Variants in ZMYM2 observed in about 807,000 individuals in gnomAD.
ZMYM2 encodes zinc finger MYM-type protein 2.
Under a neutral mutation model 162.8 loss-of-function variants are expected in ZMYM2, and 56 were observed. That is an observed-to-expected ratio of 0.34 (90% confidence interval 0.28 to 0.43). ZMYM2 has a LOEUF of 0.43. ZMYM2 is among the 20% of genes least tolerant of loss of function. ZMYM2 has a pLI of 1.00. For synonymous variants in ZMYM2, 510 were observed against 541.6 expected, an observed-to-expected ratio of 0.94 and a Z score of 0.81; for missense variants, 1,275 against 1,621.8, an observed-to-expected ratio of 0.79 and a Z score of 3.67.
At chr13:19,977,851 G>A (rs1396603746) in intron 2 of ZMYM2, among the ~76,000 whole-genome samples, 1 of 149,586 alleles carries the variant, frequency 6.7e-6, no homozygotes, top group Non-Finnish European at 1.5e-5. Context: ...TGTACCATTT[G>A]ATTCCCTTCT....
At chr13:20,006,232 TAAAAAAA>T (rs747053429) in intron 5 of ZMYM2, 135 bp from the exon 6 acceptor site, 1 of 662,038 alleles carries the variant, frequency 1.5e-6, no homozygotes, top group South Asian at 2.6e-5. Flanking sequence ...ACCCTGTCTT[TAAAAAAA>T]AAAAAAAAAT....
At chr13:19,874,078 G>A in the ZMYM2 span, among the ~76,000 whole-genome samples, 2 of 152,294 alleles carry the variant, frequency 1.3e-5, no homozygotes, top group South Asian at 4.1e-4. Flanking sequence ...TGCAGCTTTG[G>A]TTGTTGCCTC....
In ZMYM2 at chr13:20,037,081, G is replaced by C. The variant is rs75747995; in HGVS notation, c.2292+172G>C. Among the ~76,000 whole-genome samples, 18 of 151,914 alleles carry C rather than the reference G, an allele frequency of 1.2e-4. No individual in the cohort carries two copies. The East Asian group carries it at 3.5e-3, about 29-fold the overall frequency. On this transcript the variant is annotated intron_variant, in intron 12 of 24. Coordinates refer to ENST00000610343, the MANE Select transcript of ZMYM2 (RefSeq NM_197968.4). ...TTGTCATTTCTGCTTGTTTGAAGTA[G>C]CATTTTTATCTCTTTTTTTAATAAC... is the stretch of plus-strand genomic sequence containing the variant.
intron 21 of ZMYM2, among the ~76,000 whole-genome samples, chr13:20,073,990 C>G (rs1300615233): frequency 6.6e-6 from 1 of 152,108 alleles, no homozygotes; most frequent in African/African-American, 2.4e-5. Flanking sequence ...AGAACTGAAA[C>G]TCTGTACTCA....
Position 20,030,567 on chromosome 13 carries a change from T to A in ZMYM2, c.1852-752T>A, listed in dbSNP as rs190015037. On this transcript the variant is annotated intron_variant, in intron 9 of 24. Coordinates refer to ENST00000610343, the MANE Select transcript of ZMYM2 (RefSeq NM_197968.4). ...GCACCTGCCACCACCCCCAGCTAAT[T>A]TTTTGTATTTTTAGTAGAGACGGGG... is the stretch of plus-strand genomic sequence containing the variant. Among the ~76,000 whole-genome samples the A allele has an allele frequency of 5.6e-3, 858 of 152,134 alleles. 3 individuals carry two copies. Among genetic ancestry groups the A allele is most frequent in the Middle Eastern group, 0.017 (5 of 294 alleles).
intron 17 of ZMYM2, among the ~76,000 whole-genome samples, chr13:20,061,804 A>T (rs1397085532): frequency 2.0e-5 from 3 of 152,140 alleles, no homozygotes; most frequent in East Asian, 3.9e-4. Flanking sequence ...GGCCAGGCTG[A>T]TCTCAAACTC....
At chr13:19,936,618 A>G in the ZMYM2 span, among the ~76,000 whole-genome samples, 1 of 152,078 alleles carries the variant, frequency 6.6e-6, no homozygotes, top group Non-Finnish European at 1.5e-5. Flanking sequence ...GCTACTCGAG[A>G]GGCTGAGGCA....
At chr13:20,032,599 C>CTTTTTTTTTTTTTTT (rs57294389) in intron 10 of ZMYM2, among the ~76,000 whole-genome samples, 1 of 66,040 alleles carries the variant, frequency 1.5e-5, no homozygotes, top group Non-Finnish European at 2.9e-5. Context: ...TTTTTTCTGT[C>CTTTTTTTTTTTTTTT]TTTTTTTTTT....
At chr13:19,888,515 A>T in the ZMYM2 span, among the ~76,000 whole-genome samples, 2 of 151,714 alleles carry the variant, frequency 1.3e-5, no homozygotes, top group Non-Finnish European at 2.9e-5. Context: ...TAGGAAACTG[A>T]TCTGTTATTT....
chr13:19,970,075 A>T (rs1270411096), intron 2 of ZMYM2: 1 of 985,200 alleles, frequency 1.0e-6, no homozygotes, highest in East Asian at 1.1e-4. Context: ...AAAGAAGGTA[A>T]TGTTTTTTTA....
chr13:19,881,957 G>C, the ZMYM2 span, among the ~76,000 whole-genome samples: 1 of 145,618 alleles, frequency 6.9e-6, no homozygotes, highest in African/African-American at 2.6e-5. Context: ...ACCCCAGTCT[G>C]GGCAAGAGTG....
chr13:20,027,957 G>A (rs997369122), intron 9 of ZMYM2: 1 of 176,340 alleles, frequency 5.7e-6, no homozygotes, highest in Non-Finnish European at 1.2e-5. Flanking sequence ...ATACGATTAG[G>A]TTTACCTGTT....
chr13:20,060,280 T>C (rs181593152), intron 16 of ZMYM2, among the ~76,000 whole-genome samples: 39 of 152,338 alleles, frequency 2.6e-4, no homozygotes, highest in African/African-American at 9.1e-4. Flanking sequence ...CATGATTGAT[T>C]GCTTTGTGTA....
chr13:19,968,556 C>G (rs531495464), intron 2 of ZMYM2, among the ~76,000 whole-genome samples: 12 of 152,304 alleles, frequency 7.9e-5, no homozygotes, highest in African/African-American at 2.9e-4. Flanking sequence ...GCCACCGCAC[C>G]AGACCTCCCC....
At chr13:19,965,372 A>G in intron 2 of ZMYM2, 1 of 649,820 alleles carries the variant, frequency 1.5e-6, no homozygotes, top group Non-Finnish European at 2.3e-6. Flanking sequence ...ATAATCATTC[A>G]TTTCAAAGAG....
intron 12 of ZMYM2, among the ~76,000 whole-genome samples, chr13:20,043,252 C>T (rs1397306981): frequency 6.6e-6 from 1 of 152,148 alleles, no homozygotes; most frequent in South Asian, 2.1e-4. Flanking sequence ...TGTTTGGGGC[C>T]GCTGATCACT....
chr13:20,050,043 A>T (rs894399058), intron 12 of ZMYM2, among the ~76,000 whole-genome samples: 11 of 152,118 alleles, frequency 7.2e-5, no homozygotes, highest in African/African-American at 2.6e-4. Flanking sequence ...TTGAGTGAAA[A>T]TATGATCTTG....
the ZMYM2 span, among the ~76,000 whole-genome samples, chr13:19,902,477 G>T: frequency 6.6e-6 from 1 of 151,908 alleles, no homozygotes; most frequent in Non-Finnish European, 1.5e-5. Context: ...TTAGTTGGGT[G>T]TGGTGACCCA....
In ZMYM2 at chr13:19,993,613, G is replaced by A. The variant is rs1949797348; in HGVS notation, c.541G>A (p.Glu181Lys). Residue 181 changes from glutamate (E) to lysine (K), a missense_variant, in exon 3 of 25, where the codon GAA becomes AAA. Physicochemically the swap from Glu to Lys is moderately conservative, Grantham distance 56. Coordinates refer to ENST00000610343, the MANE Select transcript of ZMYM2 (RefSeq NM_197968.4). ...NSGITTEPDS[E>K]IQIANVTTLE... Reference sequence around the variant, plus strand: ...TGGTATCACCACAGAACCAGACTCTGAAATTCAGATTGCTAATGTTACAAC... The same window carrying A: ...TGGTATCACCACAGAACCAGACTCTAAAATTCAGATTGCTAATGTTACAAC... The A allele has an allele frequency of 6.2e-7, 1 of 1,614,082 alleles. No individual in the cohort carries two copies. Among genetic ancestry groups the A allele is most frequent in the African/African-American group, 1.3e-5 (1 of 74,950 alleles).
Sources: allele counts gnomAD v4.1 joint callset (sites outside exome capture counted in the v4.1 genomes callset), GRCh38; gene constraint gnomAD v4.1.1; transcripts MANE v1.5; gene names NCBI Gene and HGNC (gene_info 2026-07-23, HGNC 2026-07-21).